MRPS28: variants seen among roughly 807,000 people sequenced by gnomAD.
The protein encoded by MRPS28 is mitochondrial ribosomal protein S28, also known as small ribosomal subunit protein bS1m.
Under a neutral mutation model 10.8 loss-of-function variants are expected in MRPS28, and 7 were observed. That is an observed-to-expected ratio of 0.65 (90% CI 0.37 to 1.22). The LOEUF (loss-of-function observed/expected upper bound fraction) is 1.22, where lower values mean the gene tolerates loss of function less well. Ranked by LOEUF, MRPS28 falls within the 50% of genes most tolerant of loss-of-function variation. The probability of loss-of-function intolerance (pLI) is 0.02; values close to 1 mark genes in which losing one functional copy is unlikely to be tolerated. For synonymous variants in MRPS28, 121 were observed against 93.3 expected, an observed-to-expected ratio of 1.30 and a Z score of -1.71; for missense variants, 265 against 232.9, an observed-to-expected ratio of 1.14 and a Z score of -0.90.
chr8:79,977,321 T>A (rs1243324540), intron 2 of MRPS28, among the ~76,000 whole-genome samples: 2 of 152,102 alleles, frequency 1.3e-5, no homozygotes, highest in Non-Finnish European at 2.9e-5. Context: ...TTTTACAAAT[T>A]GAAACCAAAA....
At chr8:79,934,786 C>T (rs967459446) in intron 2 of MRPS28, among the ~76,000 whole-genome samples, 2 of 152,124 alleles carry the variant, frequency 1.3e-5, no homozygotes, top group Admixed American at 6.5e-5. Context: ...AAAACTTTAT[C>T]TTAAATGAAC....
chr8:79,963,244 G>C (rs1299297221), intron 2 of MRPS28, among the ~76,000 whole-genome samples: 1 of 152,094 alleles, frequency 6.6e-6, no homozygotes, highest in Non-Finnish European at 1.5e-5. Context: ...ATCTGTGGCA[G>C]AGGCTATTTT....
chr8:79,997,270 A>G (rs1808525600), intron 2 of MRPS28, among the ~76,000 whole-genome samples: 1 of 152,198 alleles, frequency 6.6e-6, no homozygotes, highest in African/African-American at 2.4e-5. Context: ...AATTAGGTTA[A>G]AGACTCATAA....
intron 2 of MRPS28, among the ~76,000 whole-genome samples, chr8:79,954,915 G>C (rs1338101737): frequency 6.6e-6 from 1 of 152,056 alleles, no homozygotes; most frequent in African/African-American, 2.4e-5. Flanking sequence ...CAGGAGAATT[G>C]CTTGAACCCA....
chr8:79,994,371 C>T (rs1434782795), intron 2 of MRPS28, among the ~76,000 whole-genome samples: 4 of 152,212 alleles, frequency 2.6e-5, no homozygotes, highest in South Asian at 2.1e-4. Context: ...GATCTACATC[C>T]GGGCATTTTA....
intron 2 of MRPS28, among the ~76,000 whole-genome samples, chr8:79,948,988 A>G (rs1368377273): frequency 6.6e-6 from 1 of 152,210 alleles, no homozygotes; most frequent in Non-Finnish European, 1.5e-5. Flanking sequence ...ATGAGTCAAT[A>G]AAGAGTGGGA....
intron 2 of MRPS28, among the ~76,000 whole-genome samples, chr8:79,991,909 GCTCTCTCTCTCTCT>G (rs33936648): frequency 0.036 from 4,748 of 133,064 alleles, 284 homozygotes; most frequent in African/African-American, 0.13. Context: ...CTTCCTCCTT[GCTCTCTCTCTCTCT>G]CTCTCTCTCT....
intron 1 of MRPS28, chr8:80,028,706 G>C (rs1274555729): frequency 7.4e-6 from 1 of 135,150 alleles, no homozygotes; most frequent in African/African-American, 2.7e-5. Flanking sequence ...TCTGTCATCT[G>C]TAATCCCAGC....
intron 2 of MRPS28, among the ~76,000 whole-genome samples, chr8:79,949,956 T>C (rs1226165972): frequency 6.6e-6 from 1 of 152,160 alleles, no homozygotes; most frequent in Non-Finnish European, 1.5e-5. Flanking sequence ...AAATATATCA[T>C]GAATAATATT....
At chr8:79,935,497 T>C (rs1338923612) in intron 2 of MRPS28, among the ~76,000 whole-genome samples, 1 of 152,204 alleles carries the variant, frequency 6.6e-6, no homozygotes, top group African/African-American at 2.4e-5. Context: ...CATCCACCAT[T>C]ACTTTAAGGC....
chr8:79,999,934 T>C (rs1032735552), intron 2 of MRPS28, among the ~76,000 whole-genome samples: 1 of 152,316 alleles, frequency 6.6e-6, no homozygotes, highest in Non-Finnish European at 1.5e-5. Flanking sequence ...AAGGCCTTTT[T>C]TGACTACTGT....
intron 1 of MRPS28, among the ~76,000 whole-genome samples, chr8:80,027,428 C>T (rs144331771): frequency 1.3e-5 from 2 of 152,154 alleles, no homozygotes; most frequent in Non-Finnish European, 2.9e-5. Context: ...AGCTTTTAAC[C>T]CAAGCAGGGT....
intron 1 of MRPS28, among the ~76,000 whole-genome samples, chr8:80,023,520 A>C (rs765242278): frequency 3.9e-4 from 59 of 152,310 alleles, no homozygotes; most frequent in Non-Finnish European, 7.1e-4. Context: ...AATAAAAAAT[A>C]CTAATAAAAA....
At chr8:80,007,757 T>G (rs559457869) in intron 1 of MRPS28, among the ~76,000 whole-genome samples, 20 of 152,176 alleles carry the variant, frequency 1.3e-4, no homozygotes, top group African/African-American at 4.8e-4. Flanking sequence ...AAACCACTGC[T>G]CAACGAAATA....
At chr8:79,929,704 A>G in intron 2 of MRPS28, among the ~76,000 whole-genome samples, 1 of 152,154 alleles carries the variant, frequency 6.6e-6, no homozygotes, top group Non-Finnish European at 1.5e-5. Context: ...CTTCTAACAG[A>G]ACTGGTTGGA....
At chr8:79,995,210 A>G (rs1808469573) in intron 2 of MRPS28, among the ~76,000 whole-genome samples, 1 of 152,214 alleles carries the variant, frequency 6.6e-6, no homozygotes, top group South Asian at 2.1e-4. Context: ...ATAGATGCTC[A>G]TTAAAAGTTT....
intron 1 of MRPS28, among the ~76,000 whole-genome samples, chr8:80,018,211 T>C (rs796375423): frequency 1.5e-5 from 2 of 130,466 alleles, no homozygotes; most frequent in African/African-American, 5.9e-5. Flanking sequence ...GAGAATGGCA[T>C]GAACCCGGAA....
intron 1 of MRPS28, among the ~76,000 whole-genome samples, chr8:80,018,437 T>C (rs1022866143): frequency 6.6e-6 from 1 of 151,624 alleles, no homozygotes; most frequent in Non-Finnish European, 1.5e-5. Flanking sequence ...CAATGAGATA[T>C]CATCTCACCC....
At chr8:79,970,298 A>G (rs1385356851) in intron 2 of MRPS28, among the ~76,000 whole-genome samples, 1 of 152,152 alleles carries the variant, frequency 6.6e-6, no homozygotes, top group Non-Finnish European at 1.5e-5. Context: ...CTGCATGCCT[A>G]TACTGTATTC....
Sources: gnomAD v4.1 joint callset for allele counts (sites outside exome capture counted in the v4.1 genomes callset) on GRCh38, gnomAD v4.1.1 for gene constraint, MANE v1.5 for transcripts, NCBI Gene and HGNC (gene_info 2026-07-23, HGNC 2026-07-21) for gene names.